Variants in CACNA1A observed in about 807,000 individuals in gnomAD.
CACNA1A encodes the protein voltage-dependent P/Q-type calcium channel subunit alpha-1A.
In CACNA1A, 57 loss-of-function variants were observed where a neutral mutation model predicts 262.4. That is an observed-to-expected ratio of 0.22 (90% CI 0.18 to 0.27). The LOEUF is 0.27. CACNA1A is among the 10% of genes least tolerant of loss of function. CACNA1A has a pLI of 1.00. For missense variants in CACNA1A, 2,526 were observed against 3,562.8 expected (o/e 0.71, Z 7.41); for synonymous variants, 1,431 against 1,419.3 (o/e 1.01, Z -0.18).
intron 11 of CACNA1A, among the ~76,000 whole-genome samples, chr19:13,314,479 A>G (rs2058089022): frequency 6.6e-6 from 1 of 152,142 alleles, no homozygotes; most frequent in Admixed American, 6.5e-5. Context: ...AGGTTGACAG[A>G]GGAAGTTTGT....
chr19:13,328,081 G>C (rs1309520524), intron 10 of CACNA1A, among the ~76,000 whole-genome samples: 1 of 151,228 alleles, frequency 6.6e-6, no homozygotes, highest in Non-Finnish European at 1.5e-5. Flanking sequence ...TCAACATTTT[G>C]TTTTTCAGAG....
chr19:13,399,088 C>G (rs771946880), intron 3 of CACNA1A, among the ~76,000 whole-genome samples: 13 of 152,158 alleles, frequency 8.5e-5, no homozygotes, highest in Non-Finnish European at 1.5e-4. Flanking sequence ...ACTAGCTGCT[C>G]TGGTTCAGGG....
Position 13,283,306 on chromosome 19 carries a change from G to C in CACNA1A, c.3783C>G (p.Ala1261=). Residue 1261 remains alanine, a synonymous_variant, in exon 22 of 47, where the codon GCC becomes GCG. Transcript: ENST00000360228. ...MVIAMSSIAL[A]AEDPVQPNAP... is the part of the protein sequence containing the mutation. Reference sequence around the variant, plus strand: ...CGTTGGGCTGCACAGGGTCCTCGGCGGCCAGGGCGATGCTGCTCATGGCAA... The same window carrying C: ...CGTTGGGCTGCACAGGGTCCTCGGCCGCCAGGGCGATGCTGCTCATGGCAA... 1 of 1,613,962 alleles carries C rather than the reference G, an allele frequency of 6.2e-7. No homozygotes were observed. Among genetic ancestry groups the C allele is most frequent in the Non-Finnish European group, 8.5e-7 (1 of 1,179,860 alleles).
chr19:13,503,327 C>T (rs1348995179), intron 1 of CACNA1A, among the ~76,000 whole-genome samples: 3 of 151,958 alleles, frequency 2.0e-5, no homozygotes, highest in African/African-American at 4.8e-5. Flanking sequence ...GGGCACTGAT[C>T]GGGACCTGGG....
At chr19:13,496,244 A>G (rs1452229297) in intron 1 of CACNA1A, among the ~76,000 whole-genome samples, 1 of 152,236 alleles carries the variant, frequency 6.6e-6, no homozygotes, top group Non-Finnish European at 1.5e-5. Flanking sequence ...AAGACAACTC[A>G]AGTCTCTAAA....
chr19:13,282,416 G>A (rs1258924546), intron 22 of CACNA1A, among the ~76,000 whole-genome samples: 1 of 152,122 alleles, frequency 6.6e-6, no homozygotes, highest in Non-Finnish European at 1.5e-5. Flanking sequence ...CGCAGCCCAT[G>A]ACTGAGGCAC....
At chr19:13,257,664 G>A (rs1328351824) in intron 27 of CACNA1A, 113 bp from the exon 28 acceptor site, 3 of 546,908 alleles carry the variant, frequency 5.5e-6, no homozygotes, top group Non-Finnish European at 9.6e-6. Context: ...AACAGGAACA[G>A]AGGGAAATGA....
intron 17 of CACNA1A, among the ~76,000 whole-genome samples, chr19:13,302,537 G>A (rs2057807373): frequency 6.6e-6 from 1 of 152,198 alleles, no homozygotes; most frequent in Non-Finnish European, 1.5e-5. Context: ...AATGCTTGTA[G>A]GATCAATGAA....
At chr19:13,210,552 GA>G (rs1226212914) in intron 44 of CACNA1A, 64 bp downstream of exon 44, 3 of 1,438,696 alleles carry the variant, frequency 2.1e-6, no homozygotes, top group Admixed American at 4.1e-5. Context: ...GGACTCCCTG[GA>G]GGGGGGGTGG....
At chr19:13,417,021 C>A (rs574020047) in intron 3 of CACNA1A, among the ~76,000 whole-genome samples, 2 of 152,122 alleles carry the variant, frequency 1.3e-5, no homozygotes, top group African/African-American at 4.8e-5. Flanking sequence ...CCGAATTGCA[C>A]GGTACAGCTC....
At chr19:13,487,065 G>C (rs1000689908) in intron 1 of CACNA1A, among the ~76,000 whole-genome samples, 5 of 152,188 alleles carry the variant, frequency 3.3e-5, no homozygotes, top group Admixed American at 6.5e-5. Flanking sequence ...CGCCTGCCCA[G>C]GGCGCCTCAT....
intron 1 of CACNA1A, among the ~76,000 whole-genome samples, chr19:13,456,490 G>A (rs887944046): frequency 3.3e-5 from 5 of 152,116 alleles, no homozygotes; most frequent in South Asian, 2.1e-4. Context: ...GGCTAACACG[G>A]TGAAACCCTA....
chr19:13,369,972 C>T (rs1309790690), intron 4 of CACNA1A, among the ~76,000 whole-genome samples: 4 of 151,970 alleles, frequency 2.6e-5, no homozygotes, highest in East Asian at 1.9e-4. Context: ...ACCGGAAGAA[C>T]GAAGCCAATA....
At position 13,283,726 on chromosome 19, in the gene CACNA1A, C is replaced by T. The variant is rs765814220; in HGVS notation, c.3693-330G>A. 3 of 198,274 alleles carry T rather than the reference C, an allele frequency of 1.5e-5. No individual in the cohort carries two copies. The South Asian group carries it at 3.4e-4, about 22-fold the overall frequency. 12.3% of individuals were successfully genotyped at this position (198,274 alleles called of 1,614,324 possible). A position where few individuals can be genotyped will look rare whatever the true frequency, so the allele number is the denominator to read the frequency against. ...TTCTGTAGGAGATAAAAAGGCTTTT[C>T]GATATTAAATGTCCCAGGGCCAAAC... On this transcript the variant is annotated intron_variant, in intron 21 of 46. Transcript: ENST00000360228.
chr19:13,464,001 C>T (rs1169563907), intron 1 of CACNA1A, among the ~76,000 whole-genome samples: 5 of 152,140 alleles, frequency 3.3e-5, no homozygotes, highest in Non-Finnish European at 7.3e-5. Flanking sequence ...TGAGCTGATA[C>T]ACACAATAAT....
intron 4 of CACNA1A, among the ~76,000 whole-genome samples, chr19:13,369,915 T>C (rs1259491063): frequency 6.6e-6 from 1 of 152,210 alleles, no homozygotes; most frequent in Admixed American, 6.5e-5. Context: ...AAGATCCTGC[T>C]GGTGATCCTC....
At chr19:13,423,623 C>T (rs551411984) in intron 3 of CACNA1A, among the ~76,000 whole-genome samples, 1 of 152,168 alleles carries the variant, frequency 6.6e-6, no homozygotes, top group African/African-American at 2.4e-5. Context: ...AGCAATCCTC[C>T]CACCTCAGCC....
rs1047662807 is a variant in CACNA1A, at chr19:13,231,643, C to T, written c.5400+67G>A. 58 of 1,502,496 alleles carry T rather than the reference C, an allele frequency of 3.9e-5. No individual in the cohort carries two copies. In the Middle Eastern group the frequency reaches 5.1e-4, roughly 13 times the overall value. 93.1% of individuals were successfully genotyped at this position (1,502,496 alleles called of 1,614,324 possible). A position where few individuals can be genotyped will look rare whatever the true frequency, so the allele number is the denominator to read the frequency against. On this transcript the variant is annotated intron_variant, in intron 35 of 46. Coordinates refer to ENST00000360228, the MANE Select transcript of CACNA1A (RefSeq NM_001127222.2). ...TCGACACAGCCACATTCCACAGAAA[C>T]CCACTCCCCTGAAAGGAAGCCAGGC... is the stretch of plus-strand genomic sequence containing the variant.
chr19:13,274,817 C>T (rs912375751), intron 24 of CACNA1A: 4 of 151,838 alleles, frequency 2.6e-5, no homozygotes, highest in African/African-American at 7.3e-5. Context: ...GGGTCACCTT[C>T]GAGTAGCCAT....
Sources: allele counts gnomAD v4.1 joint callset (sites outside exome capture counted in the v4.1 genomes callset), GRCh38; gene constraint gnomAD v4.1.1; transcripts MANE v1.5; gene names NCBI Gene and HGNC (gene_info 2026-07-23, HGNC 2026-07-21).